SGCZ: variants seen among roughly 807,000 people sequenced by gnomAD.
SGCZ encodes zeta-sarcoglycan.
SGCZ carries 40 observed loss-of-function variants against 41.3 expected under a neutral mutation model. The ratio of observed to expected loss-of-function variants is 0.97; its 90% CI spans 0.75 to 1.26. The LOEUF is 1.26. Ranked by LOEUF, SGCZ falls within the 50% of genes most tolerant of loss-of-function variation. The probability of loss-of-function intolerance (pLI) is 0.00; values close to 1 mark genes in which losing one functional copy is unlikely to be tolerated. For missense variants in SGCZ, 552 were observed against 369.8 expected, an observed-to-expected ratio of 1.49 and a Z score of -4.04; for synonymous variants, 206 against 137.5, an observed-to-expected ratio of 1.50 and a Z score of -3.49.
intron 2 of SGCZ, among the ~76,000 whole-genome samples, chr8:14,485,781 A>G (rs1801654218): frequency 6.6e-6 from 1 of 151,928 alleles, no homozygotes; most frequent in Non-Finnish European, 1.5e-5. Flanking sequence ...TTTCTATGAC[A>G]GCAGGCACAA....
intron 4 of SGCZ, among the ~76,000 whole-genome samples, chr8:14,169,891 G>GA (rs1040929837): frequency 2.0e-5 from 3 of 152,056 alleles, no homozygotes; most frequent in African/African-American, 7.2e-5. Flanking sequence ...AAAAAAGAAA[G>GA]AAAGGGCTGA....
chr8:15,151,814 C>T (rs1011492774), intron 1 of SGCZ, among the ~76,000 whole-genome samples: 3 of 152,154 alleles, frequency 2.0e-5, no homozygotes, highest in Non-Finnish European at 4.4e-5. Context: ...CCAACAGTAA[C>T]CCTGTTTTTC....
intron 2 of SGCZ, among the ~76,000 whole-genome samples, chr8:14,483,822 T>C (rs1801600260): frequency 6.6e-6 from 1 of 152,210 alleles, no homozygotes; most frequent in South Asian, 2.1e-4. Context: ...AAAGTTATTT[T>C]ATTTTCAGTT....
At chr8:14,908,870 C>A (rs765357326) in intron 1 of SGCZ, among the ~76,000 whole-genome samples, 3 of 151,658 alleles carry the variant, frequency 2.0e-5, no homozygotes, top group Admixed American at 6.6e-5. Flanking sequence ...CATTTATATG[C>A]GACGAATAGT....
intron 2 of SGCZ, among the ~76,000 whole-genome samples, chr8:14,341,378 C>T (rs887999986): frequency 6.6e-6 from 1 of 152,158 alleles, no homozygotes; most frequent in Non-Finnish European, 1.5e-5. Context: ...TACCATTTTA[C>T]ATCTCTCTCA....
chr8:14,268,276 C>G (rs1332206295), intron 3 of SGCZ, among the ~76,000 whole-genome samples: 2 of 149,252 alleles, frequency 1.3e-5, no homozygotes, highest in Non-Finnish European at 3.0e-5. Context: ...CTTCCCTACT[C>G]CCAGGATACA....
intron 1 of SGCZ, among the ~76,000 whole-genome samples, chr8:15,077,110 A>G (rs1316265968): frequency 1.3e-5 from 2 of 152,330 alleles, no homozygotes; most frequent in East Asian, 3.9e-4. Context: ...TGCTGTAATG[A>G]AGTGGATTCT....
chr8:14,465,021 C>T (rs990042794), intron 2 of SGCZ, among the ~76,000 whole-genome samples: 1 of 151,528 alleles, frequency 6.6e-6, no homozygotes, highest in Non-Finnish European at 1.5e-5. Context: ...TTGAAAAAGC[C>T]CCATGTACCC....
intron 1 of SGCZ, among the ~76,000 whole-genome samples, chr8:14,723,646 A>G (rs1006071577): frequency 6.6e-6 from 1 of 151,880 alleles, no homozygotes; most frequent in Non-Finnish European, 1.5e-5. Flanking sequence ...ACAAGCATAG[A>G]ACACATGAAA....
chr8:14,212,613 AAG>A (rs1805856045), intron 4 of SGCZ, among the ~76,000 whole-genome samples: 1 of 152,180 alleles, frequency 6.6e-6, no homozygotes, highest in Non-Finnish European at 1.5e-5. Context: ...CAATAGGATC[AAG>A]AGTCTCTTAA....
intron 5 of SGCZ, among the ~76,000 whole-genome samples, chr8:14,158,960 G>A (rs752820310): frequency 1.2e-4 from 18 of 152,074 alleles, no homozygotes; most frequent in Non-Finnish European, 2.1e-4. Flanking sequence ...CAGAGATGGG[G>A]GTTTCACCAT....
chr8:14,916,897 T>G (rs571290890), intron 1 of SGCZ, among the ~76,000 whole-genome samples: 64 of 152,314 alleles, frequency 4.2e-4, no homozygotes, highest in Middle Eastern at 3.4e-3. Flanking sequence ...TTATGAATTT[T>G]TTTTGTATTT....
intron 2 of SGCZ, among the ~76,000 whole-genome samples, chr8:14,342,359 C>T (rs1456443834): frequency 1.3e-5 from 2 of 152,132 alleles, no homozygotes; most frequent in East Asian, 3.9e-4. Context: ...CTCTGTCGCC[C>T]AGGCTGGAGT....
At chr8:14,916,150 G>A (rs538644831) in intron 1 of SGCZ, among the ~76,000 whole-genome samples, 15 of 152,124 alleles carry the variant, frequency 9.9e-5, no homozygotes, top group Non-Finnish European at 1.3e-4. Context: ...TTTTAAATCA[G>A]TTTTAAAAAT....
rs531137948 is a variant in SGCZ at position 14,877,623 on chromosome 8, T to C, written c.40-322697A>G. Among the ~76,000 whole-genome samples, 6 of 152,238 alleles carry C rather than the reference T, an allele frequency of 3.9e-5. No homozygotes were observed. The East Asian group carries it at 7.7e-4, about 20-fold the overall frequency. On this transcript the variant is annotated intron_variant, in intron 1 of 7. Transcript: ENST00000382080. ...GATATTAAAGGCATAAAAAATAATA[T>C]TTTTCTCTATCATGTTGATTTTCAA...
intron 5 of SGCZ, among the ~76,000 whole-genome samples, chr8:14,129,179 C>A (rs556732166): frequency 4.1e-5 from 6 of 145,884 alleles, no homozygotes; most frequent in Non-Finnish European, 7.5e-5. Flanking sequence ...AAACCCCTCT[C>A]TACTAAAAAT....
chr8:15,235,842 G>A (rs1802102313), intron 1 of SGCZ, among the ~76,000 whole-genome samples: 1 of 152,142 alleles, frequency 6.6e-6, no homozygotes. Context: ...CTCCACCTCT[G>A]CATAAAACAC....
At chr8:14,966,967 C>T (rs1264043036) in intron 1 of SGCZ, among the ~76,000 whole-genome samples, 4 of 152,102 alleles carry the variant, frequency 2.6e-5, no homozygotes, top group Non-Finnish European at 5.9e-5. Context: ...ACCTTCCATT[C>T]TCTCCCAGTT....
chr8:14,855,824 T>C (rs979695717), intron 1 of SGCZ, among the ~76,000 whole-genome samples: 7 of 152,152 alleles, frequency 4.6e-5, no homozygotes, highest in Admixed American at 1.3e-4. Context: ...TTTGCCAGCA[T>C]GTAATTCACT....
Sources: gnomAD v4.1 joint callset for allele counts (sites outside exome capture counted in the v4.1 genomes callset) on GRCh38, gnomAD v4.1.1 for gene constraint, MANE v1.5 for transcripts, NCBI Gene and HGNC (gene_info 2026-07-23, HGNC 2026-07-21) for gene names.